Variants in MIS18BP1 observed in about 807,000 individuals in gnomAD.
MIS18BP1 encodes mis18-binding protein 1.
MIS18BP1 carries 72 observed loss-of-function variants against 116.1 expected under a neutral mutation model. That is an observed-to-expected ratio of 0.62 (90% CI 0.51 to 0.75). The LOEUF is 0.75. Among genes scored for constraint, MIS18BP1 ranks in the 30% least tolerant of loss-of-function variants. The probability of loss-of-function intolerance (pLI) is 0.00; values close to 1 mark genes in which losing one functional copy is unlikely to be tolerated. For missense variants in MIS18BP1, 1,363 were observed against 1,303.2 expected (o/e 1.05, Z -0.71); for synonymous variants, 386 against 427.0 (o/e 0.90, Z 1.18).
In MIS18BP1 at chr14:45,242,429, T is replaced by C. The variant is rs1891605950; in HGVS notation, c.748A>G (p.Ile250Val). Residue 250 changes from isoleucine (I) to valine (V), a missense_variant, in exon 4 of 17, where the codon ATT (isoleucine) becomes GTT (valine). Transcript: ENST00000310806. ...TLTRAQLAKQ[I>V]FHSKESIVAT... ...ACTATACTCTCCTTTGAGTGAAAAATTTGTTTAGCCAACTGAGCTCTAGTT... is the reference window on the plus strand; with the variant it reads ...ACTATACTCTCCTTTGAGTGAAAAACTTGTTTAGCCAACTGAGCTCTAGTT... The C allele has an allele frequency of 1.2e-6, 2 of 1,613,668 alleles. No individual in the cohort carries two copies. Among genetic ancestry groups the C allele is most frequent in the African/African-American group, 1.3e-5 (1 of 74,886 alleles).
At chr14:45,215,507 G>A (rs1345466776) in intron 13 of MIS18BP1, among the ~76,000 whole-genome samples, 13 of 151,660 alleles carry the variant, frequency 8.6e-5, no homozygotes, top group Admixed American at 8.5e-4. Context: ...CTGCCTATGG[G>A]GTTCAAGTGA....
At chr14:45,248,951 G>A (rs1465168035) in intron 1 of MIS18BP1, among the ~76,000 whole-genome samples, 1 of 152,140 alleles carries the variant, frequency 6.6e-6, no homozygotes, top group Non-Finnish European at 1.5e-5. Flanking sequence ...TGTCACCCAG[G>A]CTGGAGTGCA....
intron 2 of MIS18BP1, among the ~76,000 whole-genome samples, chr14:45,245,940 G>A (rs919020639): frequency 3.9e-5 from 6 of 152,018 alleles, no homozygotes; most frequent in Non-Finnish European, 5.9e-5. Flanking sequence ...TAATGAGCCC[G>A]CACTCCATTC....
At chr14:45,213,592 C>T (rs556828174) in intron 13 of MIS18BP1, among the ~76,000 whole-genome samples, 2 of 152,206 alleles carry the variant, frequency 1.3e-5, no homozygotes, top group Non-Finnish European at 2.9e-5. Flanking sequence ...AACTCTGCAC[C>T]GTAGCATGAA....
rs751135381 is a variant in MIS18BP1, at chr14:45,223,997, T to C, written c.2590A>G (p.Asn864Asp). 2.7e-5 allele frequency: 44 copies of C among 1,613,140 alleles called. No homozygotes were observed. In the South Asian group the frequency reaches 4.7e-4, roughly 17 times the overall value. The change falls in exon 11 of 17, where the codon AAT (asparagine) becomes GAT (aspartate). Residue 864 changes from asparagine (N) to aspartate (D), a missense_variant. Transcript: ENST00000310806. ...GGTAAGCATTCTAAGGGATGCCTATTTGTCTTATCAGATCCTACTGCCTCA... is the reference window on the plus strand; with the variant it reads ...GGTAAGCATTCTAAGGGATGCCTATCTGTCTTATCAGATCCTACTGCCTCA... ...ITEAVGSDKT[N>D]RHPLECLPGL...
intron 7 of MIS18BP1, among the ~76,000 whole-genome samples, chr14:45,232,198 G>C (rs1027326740): frequency 4.6e-5 from 7 of 151,406 alleles, no homozygotes; most frequent in South Asian, 2.1e-4. Context: ...GGGTGGATCA[G>C]GAGGTCAGGA....
chr14:45,236,083 C>T (rs1024219225), intron 5 of MIS18BP1, 139 bp from the exon 6 acceptor site: 3 of 777,318 alleles, frequency 3.9e-6, no homozygotes, highest in Admixed American at 3.2e-5. Context: ...CCAAACATTA[C>T]AGCAGAACTC....
intron 4 of MIS18BP1, among the ~76,000 whole-genome samples, chr14:45,238,424 C>A (rs1480195298): frequency 6.6e-6 from 1 of 152,122 alleles, no homozygotes; most frequent in African/African-American, 2.4e-5. Flanking sequence ...TAAAGTTACA[C>A]ATTTACAAAT....
Position 45,238,353 on chromosome 14 carries a change from T to C in MIS18BP1, c.1144-632A>G, listed in dbSNP as rs149435835. On this transcript the variant is annotated intron_variant, in intron 4 of 16. Coordinates refer to ENST00000310806, the MANE Select transcript of MIS18BP1 (RefSeq NM_018353.5). Reference sequence around the variant, plus strand: ...TTCATAAAATTTAAGATTGAACTACTTCTGATGAGAAAAAAAGTCAAAATT... The same window carrying C: ...TTCATAAAATTTAAGATTGAACTACCTCTGATGAGAAAAAAAGTCAAAATT... Among the ~76,000 whole-genome samples, 65 of 152,262 alleles carry C rather than the reference T, an allele frequency of 4.3e-4. No homozygotes were observed. In the East Asian group the frequency reaches 0.012, roughly 28 times the overall value.
At position 45,224,387 on chromosome 14, in the gene MIS18BP1, C is replaced by T; in HGVS notation, c.2200G>A (p.Glu734Lys). Residue 734 changes from glutamate (E) to lysine (K), a missense_variant, in exon 11 of 17, where the codon GAA becomes AAA. Glu to Lys is a moderately conservative substitution (Grantham distance 56). Transcript: ENST00000310806. The part of the protein sequence containing the change: ...RKIKISNLEK[E>K]QMLTSDFKKN... ...TTAAAGTCAGAGGTGAGCATTTGTT[C>T]CTTTTCAAGGTTAGATATTTTTATT... 6.2e-7 allele frequency: 1 copy of T among 1,613,512 alleles called. No individual in the cohort carries two copies. Among genetic ancestry groups the T allele is most frequent in the Non-Finnish European group, 8.5e-7 (1 of 1,179,820 alleles).
At chr14:45,248,815 TCC>T (rs1891792053) in intron 1 of MIS18BP1, among the ~76,000 whole-genome samples, 1 of 152,222 alleles carries the variant, frequency 6.6e-6, no homozygotes, top group African/African-American at 2.4e-5. Flanking sequence ...AACATACGAA[TCC>T]TGCAAATACA....
At chr14:45,228,344 G>A (rs142367949) in intron 8 of MIS18BP1, among the ~76,000 whole-genome samples, 221 of 152,156 alleles carry the variant, frequency 1.5e-3, no homozygotes, top group African/African-American at 4.7e-3. Context: ...TATTATTCAC[G>A]ACCATCTGTT....
Position 45,231,212 on chromosome 14 carries a change from T to G in MIS18BP1, c.1523A>C (p.Asp508Ala). The change falls in exon 8 of 17, where the codon GAT becomes GCT. Residue 508 changes from aspartate to alanine, a missense_variant. Physicochemically the swap from Asp to Ala is moderately radical, Grantham distance 126. Coordinates refer to ENST00000310806, the MANE Select transcript of MIS18BP1 (RefSeq NM_018353.5). ...VRDIRKSMKN[D>A]ARENQTDTAQ... ...AGTATCTGTTTGGTTTTCTCGTGCA[T>G]CATTTTTCATTGATTTCCTTATGTC... The G allele has an allele frequency of 6.2e-7, 1 of 1,614,044 alleles. No homozygotes were observed. The highest frequency in any genetic ancestry group is 1.7e-4 in the Middle Eastern group (1 of 6,060).
At chr14:45,211,403 GAAT>G (rs1316637866) in intron 13 of MIS18BP1, among the ~76,000 whole-genome samples, 1 of 152,040 alleles carries the variant, frequency 6.6e-6, no homozygotes, top group Non-Finnish European at 1.5e-5. Context: ...TCACCAAATG[GAAT>G]AATATTTCAA....
intron 8 of MIS18BP1, among the ~76,000 whole-genome samples, chr14:45,229,700 G>A (rs1345412817): frequency 6.6e-6 from 1 of 152,134 alleles, no homozygotes; most frequent in African/African-American, 2.4e-5. Context: ...GGTACAGGAA[G>A]AGGTAAGAAC....
intron 2 of MIS18BP1, among the ~76,000 whole-genome samples, chr14:45,246,232 C>G (rs542206455): frequency 4.7e-4 from 72 of 152,306 alleles, no homozygotes; most frequent in African/African-American, 1.7e-3. Flanking sequence ...TTACATTTAC[C>G]TACAAGGCCC....
chr14:45,250,510 A>G (rs1434081035), intron 1 of MIS18BP1, among the ~76,000 whole-genome samples: 1 of 152,140 alleles, frequency 6.6e-6, no homozygotes, highest in Non-Finnish European at 1.5e-5. Flanking sequence ...CCTGAAGCCA[A>G]GCACATTTGT....
At chr14:45,215,030 C>T (rs776368632) in intron 13 of MIS18BP1, among the ~76,000 whole-genome samples, 4 of 152,102 alleles carry the variant, frequency 2.6e-5, no homozygotes, top group Non-Finnish European at 5.9e-5. Flanking sequence ...GGATTACAGG[C>T]GTGAGCCACC....
Position 45,214,529 on chromosome 14 carries a change from G to A in MIS18BP1, c.3003+2490C>T, listed in dbSNP as rs561516994. 4.6e-5 allele frequency among the ~76,000 whole-genome samples: 7 copies of A among 152,198 alleles called. No individual in the cohort carries two copies. The South Asian group carries it at 8.3e-4, about 18-fold the overall frequency. On this transcript the variant is annotated intron_variant, in intron 13 of 16. Coordinates refer to ENST00000310806, the MANE Select transcript of MIS18BP1 (RefSeq NM_018353.5). ...CTGAGGGAACTCAGAGACCAGGGGCGCCGCCCGGGGCCTCAGCAGGGGGCC... is the reference window on the plus strand; with the variant it reads ...CTGAGGGAACTCAGAGACCAGGGGCACCGCCCGGGGCCTCAGCAGGGGGCC...
Sources: gnomAD v4.1 joint callset for allele counts (sites outside exome capture counted in the v4.1 genomes callset) on GRCh38, gnomAD v4.1.1 for gene constraint, MANE v1.5 for transcripts, NCBI Gene and HGNC (gene_info 2026-07-23, HGNC 2026-07-21) for gene names.